DCHS2: variants seen among roughly 807,000 people sequenced by gnomAD.
DCHS2 encodes the protein protocadherin-23.
Under a neutral mutation model 182.4 loss-of-function variants are expected in DCHS2, and 142 were observed. The ratio of observed to expected loss-of-function variants is 0.78; its 90% CI spans 0.68 to 0.89. DCHS2 has a LOEUF of 0.89. Ranked by LOEUF, DCHS2 falls within the 40% of genes least tolerant of loss-of-function variation. DCHS2 has a pLI of 0.00. For synonymous variants in DCHS2, 1,740 were observed against 1,663.3 expected (o/e 1.05, Z -1.12); for missense variants, 4,319 against 4,198.6 (o/e 1.03, Z -0.79).
In DCHS2 at chr4:154,309,345, A is replaced by G. The variant is rs1207454742; in HGVS notation, c.5261-4114T>C. Among the ~76,000 whole-genome samples the G allele has an allele frequency of 2.0e-5, 3 of 152,172 alleles. No homozygotes were observed. The East Asian group carries it at 5.8e-4, about 29-fold the overall frequency. On this transcript the variant is annotated intron_variant, in intron 10 of 19. Coordinates refer to ENST00000357232, the MANE Select transcript of DCHS2 (RefSeq NM_001358235.2). ...AAAAGGACACTAGAAGGAGACCAAAAGTCAGAAGGACAGAAAATGGGACTT... is the reference window on the plus strand; with the variant it reads ...AAAAGGACACTAGAAGGAGACCAAAGGTCAGAAGGACAGAAAATGGGACTT...
At chr4:154,361,347 A>T (rs139599253) in intron 3 of DCHS2, among the ~76,000 whole-genome samples, 1 of 152,286 alleles carries the variant, frequency 6.6e-6, no homozygotes, top group Non-Finnish European at 1.5e-5. Context: ...AAAAAAAAGT[A>T]GTTTCTTCCA....
chr4:154,490,379 C>G lies in DCHS2; in HGVS notation c.977G>C (p.Gly326Ala). 6.5e-7 allele frequency: 1 copy of G among 1,535,130 alleles called. No homozygotes were observed. Among genetic ancestry groups the G allele is most frequent in the Non-Finnish European group, 8.7e-7 (1 of 1,144,856 alleles). Residue 326 changes from glycine (G) to alanine (A), a missense_variant, in exon 1 of 20, where the codon GGG becomes GCG. Transcript: ENST00000357232. Reference sequence around the variant, plus strand: ...GCTGTAGCGCACGAAGCCATTGGGCCCCAGGTCGCGGTCGGTGGCGCGCAC... The same window carrying G: ...GCTGTAGCGCACGAAGCCATTGGGCGCCAGGTCGCGGTCGGTGGCGCGCAC... Reference protein sequence around the residue: ...CRVRATDRDLGPNGFVRYSVR... With the variant: ...CRVRATDRDLAPNGFVRYSVR...
intron 1 of DCHS2, among the ~76,000 whole-genome samples, chr4:154,460,117 C>T (rs1734952028): frequency 6.6e-6 from 1 of 152,304 alleles, no homozygotes; most frequent in Non-Finnish European, 1.5e-5. Context: ...TTCAGTGCCT[C>T]ATCTTAAGCT....
At chr4:154,474,545 A>ATC (rs549411932) in intron 1 of DCHS2, among the ~76,000 whole-genome samples, 1 of 152,018 alleles carries the variant, frequency 6.6e-6, no homozygotes, top group Non-Finnish European at 1.5e-5. Context: ...ATCATGGTTC[A>ATC]CCTTCCTCTA....
intron 1 of DCHS2, among the ~76,000 whole-genome samples, chr4:154,421,405 T>TAATTTAATTTA (rs143862638): frequency 1.3e-5 from 2 of 148,752 alleles, no homozygotes; most frequent in East Asian, 2.0e-4. Context: ...TAATTTAATT[T>TAATTTAATTTA]ATTTATTTGA....
intron 1 of DCHS2, among the ~76,000 whole-genome samples, chr4:154,478,591 C>G (rs947412136): frequency 7.9e-5 from 12 of 152,082 alleles, no homozygotes; most frequent in African/African-American, 2.9e-4. Flanking sequence ...ACACAAGAAC[C>G]TTAGCATAGG....
At chr4:154,345,317 C>T (rs1729308045) in intron 3 of DCHS2, among the ~76,000 whole-genome samples, 1 of 152,192 alleles carries the variant, frequency 6.6e-6, no homozygotes. Context: ...TCCACTTAAC[C>T]AGCTGTCTAT....
At chr4:154,269,213 G>A (rs541916586) in intron 14 of DCHS2, 9 of 152,240 alleles carry the variant, frequency 5.9e-5, no homozygotes, top group East Asian at 1.9e-4. Flanking sequence ...GGAATTACCC[G>A]CTCTCAATTC....
intron 3 of DCHS2, among the ~76,000 whole-genome samples, chr4:154,359,674 A>G (rs1473740363): frequency 1.3e-5 from 2 of 152,080 alleles, no homozygotes; most frequent in East Asian, 3.8e-4. Context: ...CAAATAGATT[A>G]CACTGTGCTA....
At chr4:154,444,157 T>C (rs141312746) in intron 1 of DCHS2, among the ~76,000 whole-genome samples, 327 of 152,236 alleles carry the variant, frequency 2.1e-3, no homozygotes, top group African/African-American at 7.6e-3. Context: ...CCCAAACTAA[T>C]GGTTTTGATA....
At position 154,233,720 on chromosome 4, in the gene DCHS2, A is replaced by G. The variant is rs375468128; in HGVS notation, c.*816T>C. 6.6e-6 allele frequency: 1 copy of G among 152,204 alleles called. No homozygotes were observed. 9.4% of individuals were successfully genotyped at this position (152,204 alleles called of 1,614,324 possible). A position where few individuals can be genotyped will look rare whatever the true frequency, so the allele number is the denominator to read the frequency against. ...ACCTACTTATAAGACAAGACCTGAAAAAAAAGCCATTCTGTTTGTAAAGAA... is the reference window on the plus strand; with the variant it reads ...ACCTACTTATAAGACAAGACCTGAAGAAAAAGCCATTCTGTTTGTAAAGAA... On this transcript the variant is annotated 3_prime_UTR_variant, in exon 20 of 20. Coordinates refer to ENST00000357232, the MANE Select transcript of DCHS2 (RefSeq NM_001358235.2).
intron 1 of DCHS2, among the ~76,000 whole-genome samples, chr4:154,474,607 A>G (rs893898381): frequency 1.3e-5 from 2 of 152,132 alleles, no homozygotes; most frequent in Non-Finnish European, 2.9e-5. Flanking sequence ...CCAAGAGCAC[A>G]CACCAATAAA....
At chr4:154,365,248 A>AG (rs777667444) in intron 3 of DCHS2, among the ~76,000 whole-genome samples, 16 of 152,310 alleles carry the variant, frequency 1.1e-4, no homozygotes, top group Non-Finnish European at 2.2e-4. Flanking sequence ...ACAAAAAAAA[A>AG]GGATCTACTT....
chr4:154,255,279 T>C (rs1732600714), intron 16 of DCHS2, among the ~76,000 whole-genome samples: 2 of 152,218 alleles, frequency 1.3e-5, no homozygotes, highest in Non-Finnish European at 2.9e-5. Flanking sequence ...CATAAAATCT[T>C]AGAACTAGAA....
intron 13 of DCHS2, among the ~76,000 whole-genome samples, chr4:154,286,864 A>G (rs1444478415): frequency 6.6e-6 from 1 of 152,154 alleles, no homozygotes; most frequent in Non-Finnish European, 1.5e-5. Flanking sequence ...TAAGAAGGTT[A>G]TAGAACACCA....
chr4:154,456,603 G>A (rs1734778423), intron 1 of DCHS2, among the ~76,000 whole-genome samples: 1 of 152,168 alleles, frequency 6.6e-6, no homozygotes, highest in Non-Finnish European at 1.5e-5. Flanking sequence ...CAAAACAGAG[G>A]AAGTGAGGGA....
intron 15 of DCHS2, among the ~76,000 whole-genome samples, chr4:154,257,882 GCT>G (rs578201358): frequency 7.9e-5 from 12 of 152,190 alleles, no homozygotes; most frequent in Admixed American, 2.0e-4. Context: ...GGTGGGTCAG[GCT>G]CTCTCTCATT....
At chr4:154,487,322 T>A (rs1465189574) in intron 1 of DCHS2, among the ~76,000 whole-genome samples, 1 of 152,206 alleles carries the variant, frequency 6.6e-6, no homozygotes, top group Non-Finnish European at 1.5e-5. Flanking sequence ...GCTGCATGGC[T>A]GGGCTCTGGC....
intron 13 of DCHS2, among the ~76,000 whole-genome samples, chr4:154,276,920 A>G (rs149850486): frequency 3.5e-4 from 53 of 152,322 alleles, no homozygotes; most frequent in African/African-American, 1.2e-3. Flanking sequence ...TTGTGCTACA[A>G]TCCCATTTGA....
Sources: allele counts gnomAD v4.1 joint callset (sites outside exome capture counted in the v4.1 genomes callset), GRCh38; gene constraint gnomAD v4.1.1; transcripts MANE v1.5; gene names NCBI Gene and HGNC (gene_info 2026-07-23, HGNC 2026-07-21).